The following AEBP2 variants were observed in gnomAD, a reference collection of about 807,000 sequenced individuals.
AEBP2 encodes the protein AE binding protein 2, also known as zinc finger protein AEBP2.
AEBP2 carries 10 observed loss-of-function variants against 50.8 expected under a neutral mutation model. That is an observed-to-expected ratio of 0.20 (90% CI 0.12 to 0.33). AEBP2 has a LOEUF of 0.33. Ranked by LOEUF, AEBP2 falls within the 10% of genes least tolerant of loss-of-function variation. AEBP2 has a pLI of 1.00. For synonymous variants in AEBP2, 296 were observed against 261.3 expected (o/e 1.13, Z -1.28); for missense variants, 570 against 688.0 (o/e 0.83, Z 1.92).
intron 5 of AEBP2, among the ~76,000 whole-genome samples, chr12:19,501,357 A>G (rs1949071931): frequency 6.6e-6 from 1 of 151,488 alleles, no homozygotes; most frequent in South Asian, 2.1e-4. Context: ...AAATACAGCC[A>G]GGCTTCATGG....
chr12:19,412,946 C>T (rs1218429654), intron 1 of AEBP2, among the ~76,000 whole-genome samples: 2 of 152,202 alleles, frequency 1.3e-5, no homozygotes, highest in Non-Finnish European at 2.9e-5. Context: ...CCGCTTTCCC[C>T]GTCACGAGGG....
At chr12:19,503,002 G>A (rs905074956) in intron 5 of AEBP2, among the ~76,000 whole-genome samples, 1 of 152,186 alleles carries the variant, frequency 6.6e-6, no homozygotes, top group African/African-American at 2.4e-5. Context: ...TAGCCTTGTA[G>A]TGTAGTTTGA....
At chr12:19,470,786 C>T (rs189186788) in intron 2 of AEBP2, among the ~76,000 whole-genome samples, 31 of 152,186 alleles carry the variant, frequency 2.0e-4, no homozygotes, top group Admixed American at 1.0e-3. Context: ...GTGCTTATTT[C>T]GAAGGAACTA....
chr12:19,457,717 A>T (rs1489815715), intron 1 of AEBP2: 1 of 980,736 alleles, frequency 1.0e-6, no homozygotes, highest in African/African-American at 1.7e-5. Context: ...AAAGAAAAAA[A>T]AGCTAGTCAG....
intron 4 of AEBP2, among the ~76,000 whole-genome samples, chr12:19,494,787 A>G (rs547514071): frequency 2.6e-5 from 4 of 152,320 alleles, no homozygotes; most frequent in South Asian, 2.1e-4. Context: ...GATGTTTAGG[A>G]TAGAAAATAA....
chr12:19,441,465 C>G (rs931871628), intron 1 of AEBP2, among the ~76,000 whole-genome samples: 8 of 152,100 alleles, frequency 5.3e-5, no homozygotes, highest in Non-Finnish European at 1.0e-4. Context: ...TTTAAACATG[C>G]TCTCCAGAAA....
intron 1 of AEBP2, among the ~76,000 whole-genome samples, chr12:19,411,569 A>G (rs76107235): frequency 0.048 from 7,292 of 152,264 alleles, 368 homozygotes; most frequent in Admixed American, 0.14. Flanking sequence ...AGTTGGGAGG[A>G]TTAAATGAGT....
intron 3 of AEBP2, among the ~76,000 whole-genome samples, chr12:19,483,338 C>T (rs777149096): frequency 1.3e-5 from 2 of 152,144 alleles, no homozygotes; most frequent in Non-Finnish European, 2.9e-5. Context: ...AAATCCGTCT[C>T]GTCTCCCATG....
intron 1 of AEBP2, among the ~76,000 whole-genome samples, chr12:19,441,188 T>G (rs532735474): frequency 1.3e-5 from 2 of 152,208 alleles, no homozygotes; most frequent in Non-Finnish European, 2.9e-5. Context: ...AGTCATGCAT[T>G]GGAGAGGTCT....
chr12:19,428,929 A>G (rs2095749984), intron 1 of AEBP2, among the ~76,000 whole-genome samples: 1 of 152,260 alleles, frequency 6.6e-6, no homozygotes, highest in South Asian at 2.1e-4. Flanking sequence ...GCTTGAGCCC[A>G]GGAGTTCGAG....
chr12:19,519,031 A>G lies in AEBP2; in HGVS notation c.*914A>G, dbSNP rs1949361763. 5.8e-6 allele frequency: 1 copy of G among 171,502 alleles called. No individual in the cohort carries two copies. The highest frequency in any genetic ancestry group is 6.3e-5 in the Admixed American group (1 of 15,872). 10.6% of individuals were successfully genotyped at this position (171,502 alleles called of 1,614,324 possible). A position where few individuals can be genotyped will look rare whatever the true frequency, so the allele number is the denominator to read the frequency against. Reference sequence around the variant, plus strand: ...TGTATTTTTTTTACAAGTATCTTCAAACTGAATCTTTTATGCACCAAAGTT... The same window carrying G: ...TGTATTTTTTTTACAAGTATCTTCAGACTGAATCTTTTATGCACCAAAGTT... On this transcript the variant is annotated 3_prime_UTR_variant, in exon 8 of 8. Transcript: ENST00000266508.
At chr12:19,434,305 C>CA (rs2095753128) in intron 1 of AEBP2, among the ~76,000 whole-genome samples, 1 of 151,818 alleles carries the variant, frequency 6.6e-6, no homozygotes, top group African/African-American at 2.4e-5. Flanking sequence ...TCCCGAGTAG[C>CA]TGGGGTTACA....
chr12:19,500,523 G>A (rs570089740), intron 5 of AEBP2, among the ~76,000 whole-genome samples: 10 of 152,228 alleles, frequency 6.6e-5, no homozygotes, highest in African/African-American at 2.4e-4. Context: ...GCTAAACCAG[G>A]TGTCTTTTCT....
chr12:19,484,341 G>A (rs1181823599), intron 3 of AEBP2, among the ~76,000 whole-genome samples: 1 of 142,138 alleles, frequency 7.0e-6, no homozygotes, highest in East Asian at 2.1e-4. Flanking sequence ...CTGGTGATCC[G>A]CCTCCCCTTG....
chr12:19,492,053 A>G (rs992318048), intron 3 of AEBP2, among the ~76,000 whole-genome samples: 1 of 152,210 alleles, frequency 6.6e-6, no homozygotes, highest in Non-Finnish European at 1.5e-5. Context: ...ATTTTTTTAA[A>G]TGCTATTATC....
At chr12:19,501,562 A>T (rs117404227) in intron 5 of AEBP2, among the ~76,000 whole-genome samples, 3,225 of 152,088 alleles carry the variant, frequency 0.021, 41 homozygotes, top group East Asian at 0.043. Context: ...GGCTGAGCCC[A>T]GGAGGTCAAG....
chr12:19,408,626 G>T (rs1392709509), intron 1 of AEBP2, among the ~76,000 whole-genome samples: 2 of 151,990 alleles, frequency 1.3e-5, no homozygotes, highest in African/African-American at 4.8e-5. Context: ...GCAAGGCCGG[G>T]CGCGGTGACT....
At chr12:19,425,184 G>A (rs905465218) in intron 1 of AEBP2, among the ~76,000 whole-genome samples, 1 of 152,134 alleles carries the variant, frequency 6.6e-6, no homozygotes, top group African/African-American at 2.4e-5. Flanking sequence ...ACATGTTGAA[G>A]GTGGGTCAAC....
intron 5 of AEBP2, among the ~76,000 whole-genome samples, chr12:19,511,999 T>C (rs1194649609): frequency 6.6e-6 from 1 of 152,020 alleles, no homozygotes; most frequent in Non-Finnish European, 1.5e-5. Context: ...TCTTCCAGGG[T>C]ATGAACACTT....
Sources: allele counts gnomAD v4.1 joint callset (sites outside exome capture counted in the v4.1 genomes callset), GRCh38; gene constraint gnomAD v4.1.1; transcripts MANE v1.5; gene names NCBI Gene and HGNC (gene_info 2026-07-23, HGNC 2026-07-21).